Variants in EBF1 observed in about 807,000 individuals in gnomAD.
EBF1 encodes the protein transcription factor COE1.
EBF1 carries 10 observed loss-of-function variants against 68.4 expected under a neutral mutation model. The observed-to-expected ratio is 0.15, with a 90% CI of 0.09 to 0.25. EBF1 has a LOEUF of 0.25. Among genes scored for constraint, EBF1 ranks in the 10% least tolerant of loss-of-function variants. EBF1 has a pLI of 1.00. For synonymous variants in EBF1, 298 were observed against 299.8 expected, an observed-to-expected ratio of 0.99 and a Z score of 0.06; for missense variants, 509 against 794.4, an observed-to-expected ratio of 0.64 and a Z score of 4.32.
chr5:158,915,454 G>A (rs1583134825), intron 6 of EBF1, among the ~76,000 whole-genome samples: 2 of 152,258 alleles, frequency 1.3e-5, no homozygotes, highest in African/African-American at 4.8e-5. Flanking sequence ...CATCACAGAA[G>A]TAGGACATGG....
chr5:158,782,980 A>G (rs1241727512), intron 9 of EBF1, among the ~76,000 whole-genome samples: 1 of 152,084 alleles, frequency 6.6e-6, no homozygotes, highest in Non-Finnish European at 1.5e-5. Context: ...AAAGAAAAGG[A>G]TGTCTAAATG....
intron 7 of EBF1, among the ~76,000 whole-genome samples, chr5:158,836,081 C>T (rs966868140): frequency 6.6e-6 from 1 of 152,164 alleles, no homozygotes; most frequent in Non-Finnish European, 1.5e-5. Flanking sequence ...TGAACCAAGA[C>T]AGAGAACCTA....
intron 9 of EBF1, among the ~76,000 whole-genome samples, chr5:158,788,296 A>G (rs1777869833): frequency 6.6e-6 from 1 of 152,164 alleles, no homozygotes; most frequent in Admixed American, 6.5e-5. Context: ...TTCCAGAGAA[A>G]AAGGTGGTAT....
At chr5:159,045,371 C>G (rs913350355) in intron 6 of EBF1, among the ~76,000 whole-genome samples, 6 of 151,828 alleles carry the variant, frequency 4.0e-5, no homozygotes, top group African/African-American at 1.5e-4. Context: ...CCTTTTTTCT[C>G]CCCTACGTAC....
chr5:158,876,022 A>G (rs1430659612), intron 6 of EBF1, among the ~76,000 whole-genome samples: 1 of 152,250 alleles, frequency 6.6e-6, no homozygotes, highest in Non-Finnish European at 1.5e-5. Context: ...ATCTTAGCAC[A>G]GGAAGGAACC....
chr5:158,853,412 A>T (rs538140250), intron 6 of EBF1, among the ~76,000 whole-genome samples: 1 of 152,298 alleles, frequency 6.6e-6, no homozygotes, highest in East Asian at 1.9e-4. Flanking sequence ...AAAGAGATGG[A>T]ATTTCCATTT....
At chr5:158,934,244 G>T (rs1055188401) in intron 6 of EBF1, among the ~76,000 whole-genome samples, 4 of 152,146 alleles carry the variant, frequency 2.6e-5, no homozygotes, top group Non-Finnish European at 4.4e-5. Flanking sequence ...ATGCATATTA[G>T]TTCCTTCCTT....
At chr5:158,932,069 G>C (rs1811002439) in intron 6 of EBF1, among the ~76,000 whole-genome samples, 1 of 152,194 alleles carries the variant, frequency 6.6e-6, no homozygotes, top group African/African-American at 2.4e-5. Context: ...CCGTGGGAGG[G>C]GAGGGAGCAC....
chr5:158,840,904 C>G (rs1343483027), intron 6 of EBF1, among the ~76,000 whole-genome samples: 1 of 151,690 alleles, frequency 6.6e-6, no homozygotes, highest in Non-Finnish European at 1.5e-5. Flanking sequence ...ATCTCCTGAC[C>G]TCGTGATCCG....
intron 6 of EBF1, among the ~76,000 whole-genome samples, chr5:158,841,230 A>G (rs1216181081): frequency 1.3e-5 from 2 of 152,202 alleles, no homozygotes; most frequent in Non-Finnish European, 2.9e-5. Flanking sequence ...TGGTCACCCT[A>G]TAACTTTCTG....
chr5:158,803,950 C>CTGTGTGTG (rs10581149), intron 8 of EBF1, among the ~76,000 whole-genome samples: 2 of 131,398 alleles, frequency 1.5e-5, no homozygotes, highest in African/African-American at 5.8e-5. Context: ...GTGTGTGTGT[C>CTGTGTGTG]TGTGTGTGTG....
chr5:159,032,185 A>G lies in EBF1; in HGVS notation c.554+41211T>C, dbSNP rs931480322. 1.6e-4 allele frequency among the ~76,000 whole-genome samples: 25 copies of G among 152,196 alleles called. 1 individual carries two copies. Among genetic ancestry groups the G allele is most frequent in the Non-Finnish European group, 3.5e-4 (24 of 68,032 alleles). ...ACAACTACCACTTATTTATACATTAATTTGTGCCAGAATCATCTCCTGTAA... is the reference window on the plus strand; with the variant it reads ...ACAACTACCACTTATTTATACATTAGTTTGTGCCAGAATCATCTCCTGTAA... On this transcript the variant is annotated intron_variant, in intron 6 of 15. Coordinates refer to ENST00000313708, the MANE Select transcript of EBF1 (RefSeq NM_024007.5).
At chr5:158,701,144 G>T (rs567431156) in intron 15 of EBF1, among the ~76,000 whole-genome samples, 9 of 152,302 alleles carry the variant, frequency 5.9e-5, no homozygotes, top group African/African-American at 1.9e-4. Context: ...GACAGCGGGA[G>T]TTTTAAGCCT....
intron 6 of EBF1, among the ~76,000 whole-genome samples, chr5:159,059,020 C>T (rs1020198053): frequency 6.6e-6 from 1 of 152,184 alleles, no homozygotes; most frequent in African/African-American, 2.4e-5. Context: ...ATGTAGCCAC[C>T]ATTTCAATCA....
chr5:158,699,153 A>C lies in EBF1; in HGVS notation c.1745-11T>G. 6.2e-7 allele frequency: 1 copy of C among 1,604,298 alleles called. No homozygotes were observed. The highest frequency in any genetic ancestry group is 1.1e-5 in the South Asian group (1 of 88,800). ...TCATGCCAGATATCGCTATGAAAGA[A>C]AAGACAGAAGTCAATGGTTTCTTTG... On this transcript the variant is annotated splice_polypyrimidine_tract_variant and intron_variant, in intron 15 of 15. Coordinates refer to ENST00000313708, the MANE Select transcript of EBF1 (RefSeq NM_024007.5).
At chr5:158,756,718 A>G (rs1319419473) in intron 10 of EBF1, among the ~76,000 whole-genome samples, 1 of 151,860 alleles carries the variant, frequency 6.6e-6, no homozygotes, top group African/African-American at 2.4e-5. Flanking sequence ...AAATAGATGA[A>G]TGAATGAAAG....
chr5:158,903,210 G>A (rs934552580), intron 6 of EBF1, among the ~76,000 whole-genome samples: 1 of 152,034 alleles, frequency 6.6e-6, no homozygotes, highest in Non-Finnish European at 1.5e-5. Context: ...CCCTTCCCCG[G>A]GTCAGCTCAT....
chr5:158,856,248 G>A (rs965297284), intron 6 of EBF1, among the ~76,000 whole-genome samples: 1 of 152,168 alleles, frequency 6.6e-6, no homozygotes, highest in African/African-American at 2.4e-5. Flanking sequence ...CACTGGGTCT[G>A]CTTGAACCTA....
chr5:158,919,791 A>C (rs1807996617), intron 6 of EBF1, among the ~76,000 whole-genome samples: 1 of 152,246 alleles, frequency 6.6e-6, no homozygotes, highest in African/African-American at 2.4e-5. Context: ...AATCCTCTCA[A>C]AAAACACGAC....
Sources: gnomAD v4.1 joint callset for allele counts (sites outside exome capture counted in the v4.1 genomes callset) on GRCh38, gnomAD v4.1.1 for gene constraint, MANE v1.5 for transcripts, NCBI Gene and HGNC (gene_info 2026-07-23, HGNC 2026-07-21) for gene names.